RAD51C: variants seen among roughly 807,000 people sequenced by gnomAD.
RAD51C encodes RAD51 paralog C.
RAD51C carries 42 observed loss-of-function variants against 45.0 expected under a neutral mutation model. The observed-to-expected ratio is 0.93, with a 90% confidence interval of 0.73 to 1.21. The LOEUF is 1.21. Among genes scored for constraint, RAD51C ranks in the 50% most tolerant of loss-of-function variants. RAD51C has a pLI of 0.00. For synonymous variants in RAD51C, 172 were observed against 159.8 expected, an observed-to-expected ratio of 1.08 and a Z score of -0.58; for missense variants, 474 against 452.2, an observed-to-expected ratio of 1.05 and a Z score of -0.44.
At chr17:58,701,897 A>G (rs1348089904) in intron 3 of RAD51C, among the ~76,000 whole-genome samples, 1 of 152,046 alleles carries the variant, frequency 6.6e-6, no homozygotes, top group Non-Finnish European at 1.5e-5. Flanking sequence ...AATCTAAGAA[A>G]GATTTTATAT....
At chr17:58,694,709 A>G in intron 1 of RAD51C, 1 of 523,158 alleles carries the variant, frequency 1.9e-6, no homozygotes, top group Non-Finnish European at 3.4e-6. Flanking sequence ...TCCTGACCTC[A>G]GGTGATCTGG....
chr17:58,706,476 C>A, intron 4 of RAD51C: 1 of 401,740 alleles, frequency 2.5e-6, no homozygotes, highest in South Asian at 1.9e-5. Flanking sequence ...TGCTTTGATG[C>A]TCTGCCTTCC....
intron 4 of RAD51C, 149 bp from the exon 5 acceptor site, chr17:58,709,710 T>TAAA (rs2048487656): frequency 1.4e-6 from 1 of 699,014 alleles, no homozygotes; most frequent in Non-Finnish European, 2.4e-6. Context: ...CTATTTACTG[T>TAAA]TCCAGGCATT....
intron 7 of RAD51C, among the ~76,000 whole-genome samples, chr17:58,731,234 G>A (rs535397914): frequency 3.4e-5 from 5 of 148,310 alleles, no homozygotes; most frequent in Admixed American, 3.4e-4. Context: ...CAGTGTATCA[G>A]TTTTAAAGTA....
chr17:58,713,452 C>G (rs969396572), intron 5 of RAD51C, among the ~76,000 whole-genome samples: 1 of 151,680 alleles, frequency 6.6e-6, no homozygotes, highest in Non-Finnish European at 1.5e-5. Flanking sequence ...GCAATCCTTT[C>G]ACCTCAGCCT....
chr17:58,699,464 G>C (rs1224306618), intron 3 of RAD51C, among the ~76,000 whole-genome samples: 3 of 151,312 alleles, frequency 2.0e-5, no homozygotes, highest in Non-Finnish European at 4.4e-5. Flanking sequence ...TTTTCATGGA[G>C]GTACTAAGTG....
intron 7 of RAD51C, among the ~76,000 whole-genome samples, chr17:58,729,758 G>T (rs894935576): frequency 1.3e-5 from 2 of 151,592 alleles, no homozygotes; most frequent in African/African-American, 4.8e-5. Flanking sequence ...TTTTAGTAGA[G>T]ACAGGGTTTC....
At chr17:58,693,444 G>C (rs2047869773) in intron 1 of RAD51C, 1 of 154,044 alleles carries the variant, frequency 6.5e-6, no homozygotes, top group Non-Finnish European at 1.4e-5. Context: ...GACATGTCTG[G>C]ACCTGTGCTA....
At chr17:58,715,957 T>A (rs1291908951) in intron 5 of RAD51C, among the ~76,000 whole-genome samples, 3 of 151,988 alleles carry the variant, frequency 2.0e-5, no homozygotes, top group Non-Finnish European at 4.4e-5. Context: ...ATACAAAATT[T>A]AGCCAAGCGT....
At chr17:58,716,142 T>C (rs2048727029) in intron 5 of RAD51C, among the ~76,000 whole-genome samples, 1 of 151,990 alleles carries the variant, frequency 6.6e-6, no homozygotes, top group Non-Finnish European at 1.5e-5. Flanking sequence ...TTTAGAAGCT[T>C]GGCATAATCA....
Position 58,719,263 on chromosome 17 carries a change from G to A in RAD51C, c.838-1483G>A, listed in dbSNP as rs138631253. 9.0e-4 allele frequency among the ~76,000 whole-genome samples: 137 copies of A among 152,032 alleles called. 1 individual carries two copies. The highest frequency in any genetic ancestry group is 3.2e-3 in the African/African-American group (134 of 41,516). On this transcript the variant is annotated intron_variant, in intron 5 of 8. Transcript: ENST00000337432. The stretch of plus-strand genomic sequence containing the variant: ...AGGTCTTGCTTGGTCATCAGGCTGG[G>A]GTACGGTGACAGAATCATGGCTCAC...
intron 5 of RAD51C, among the ~76,000 whole-genome samples, chr17:58,719,219 GTCTT>G (rs2048835267): frequency 6.6e-6 from 1 of 151,876 alleles, no homozygotes; most frequent in African/African-American, 2.4e-5. Flanking sequence ...GCGAGACTCA[GTCTT>G]TCTTTTTTGA....
chr17:58,719,929 C>T (rs905813173), intron 5 of RAD51C, among the ~76,000 whole-genome samples: 7 of 150,758 alleles, frequency 4.6e-5, no homozygotes, highest in Non-Finnish European at 7.4e-5. Flanking sequence ...AGGGTTTCAC[C>T]GTGTTAGCCA....
At chr17:58,732,860 A>C (rs2049488672) in intron 8 of RAD51C, 1 of 328,366 alleles carries the variant, frequency 3.0e-6, no homozygotes, top group East Asian at 6.3e-5. Flanking sequence ...AAAAATACTA[A>C]CATTACTTAT....
At chr17:58,699,659 C>T (rs1467625206) in intron 3 of RAD51C, among the ~76,000 whole-genome samples, 2 of 152,162 alleles carry the variant, frequency 1.3e-5, no homozygotes, top group Non-Finnish European at 1.5e-5. Flanking sequence ...GTTCCATCTT[C>T]CCTCTCTTAC....
intron 8 of RAD51C, chr17:58,732,813 C>A (rs1037040771): frequency 1.1e-5 from 4 of 377,582 alleles, no homozygotes; most frequent in African/African-American, 2.0e-5. Context: ...TATTAAAAAT[C>A]TTTAAAGTGA....
intron 5 of RAD51C, among the ~76,000 whole-genome samples, chr17:58,713,557 C>T (rs1480359069): frequency 1.3e-5 from 2 of 152,000 alleles, no homozygotes; most frequent in Non-Finnish European, 2.9e-5. Context: ...ACCTATAACC[C>T]ACCACTGTGG....
intron 7 of RAD51C, among the ~76,000 whole-genome samples, chr17:58,728,590 GT>G (rs1429442704): frequency 1.3e-5 from 2 of 151,836 alleles, no homozygotes; most frequent in East Asian, 3.9e-4. Context: ...TAGAGATGGG[GT>G]TTTGCCGTGT....
chr17:58,725,977 T>C (rs1598515546), intron 7 of RAD51C, among the ~76,000 whole-genome samples: 1 of 135,196 alleles, frequency 7.4e-6, no homozygotes, highest in African/African-American at 2.8e-5. Context: ...GGTTACAGAG[T>C]GAGACTCCAT....
Sources: gnomAD v4.1 joint callset for allele counts (sites outside exome capture counted in the v4.1 genomes callset) on GRCh38, gnomAD v4.1.1 for gene constraint, MANE v1.5 for transcripts, NCBI Gene and HGNC (gene_info 2026-07-23, HGNC 2026-07-21) for gene names.